The following FANCC variants were observed in gnomAD, a reference collection of about 807,000 sequenced individuals.
FANCC encodes Fanconi anemia group C protein.
Under a neutral mutation model 71.3 loss-of-function variants are expected in FANCC, and 55 were observed. The observed-to-expected ratio is 0.77, with a 90% CI of 0.62 to 0.97. The LOEUF (loss-of-function observed/expected upper bound fraction) is 0.97, where lower values mean the gene tolerates loss of function less well. Ranked by LOEUF, FANCC falls within the 50% of genes least tolerant of loss-of-function variation. The probability of loss-of-function intolerance (pLI) is 0.00; values close to 1 mark genes in which losing one functional copy is unlikely to be tolerated. For synonymous variants in FANCC, 275 were observed against 244.9 expected, an observed-to-expected ratio of 1.12 and a Z score of -1.15; for missense variants, 678 against 670.9, an observed-to-expected ratio of 1.01 and a Z score of -0.12.
chr9:95,212,128 A>T (rs1828545732), intron 4 of FANCC, among the ~76,000 whole-genome samples: 1 of 152,178 alleles, frequency 6.6e-6, no homozygotes, highest in Admixed American at 6.5e-5. Flanking sequence ...CTTTGGGAAA[A>T]TCTCACGTAG....
intron 1 of FANCC, among the ~76,000 whole-genome samples, chr9:95,309,404 A>T (rs1015267993): frequency 6.6e-6 from 1 of 152,220 alleles, no homozygotes; most frequent in Non-Finnish European, 1.5e-5. Flanking sequence ...GCAATTCGAT[A>T]TTATTTGTAT....
chr9:95,108,347 T>C (rs1465139084), intron 13 of FANCC, among the ~76,000 whole-genome samples: 1 of 152,230 alleles, frequency 6.6e-6, no homozygotes. Flanking sequence ...CTGCCGGGTC[T>C]GATGGTGTCT....
chr9:95,310,709 C>T (rs763663698), intron 1 of FANCC, among the ~76,000 whole-genome samples: 2 of 152,072 alleles, frequency 1.3e-5, no homozygotes, highest in Non-Finnish European at 2.9e-5. Flanking sequence ...ATCAGTGTTC[C>T]CCAGAGCCCA....
Position 95,270,392 on chromosome 9 carries a change from C to T in FANCC, c.-78-21023G>A, listed in dbSNP as rs4647402. Among the ~76,000 whole-genome samples, 511 of 152,222 alleles carry T rather than the reference C, an allele frequency of 3.4e-3. 9 individuals are homozygous for T. The East Asian group carries it at 0.043, about 13-fold the overall frequency. ...GCAAGCACTCCAGAGATCAGCCACC[C>T]GAGAACTGTGAGAGTGCACATTTAT... On this transcript the variant is annotated intron_variant, in intron 1 of 14. Transcript: ENST00000289081.
rs571935590 is a variant in FANCC at position 95,265,608 on chromosome 9, C to A, written c.-78-16239G>T. On this transcript the variant is annotated intron_variant, in intron 1 of 14. Transcript: ENST00000289081. ...TCACTTCACTTACCTGACAGTAAGA[C>A]TTGGGTTTTGGTTAGACCAGTTAGA... is the stretch of plus-strand genomic sequence containing the variant. Among the ~76,000 whole-genome samples, 31 of 152,270 alleles carry A rather than the reference C, an allele frequency of 2.0e-4. No homozygotes were observed. The South Asian group carries it at 6.2e-3, about 31-fold the overall frequency.
At chr9:95,147,256 G>A (rs1297736922) in intron 7 of FANCC, among the ~76,000 whole-genome samples, 7 of 152,226 alleles carry the variant, frequency 4.6e-5, no homozygotes, top group South Asian at 2.1e-4. Context: ...AGTGGCTCAC[G>A]CCTGTAATCC....
At chr9:95,184,815 T>C (rs1826605599) in intron 4 of FANCC, among the ~76,000 whole-genome samples, 2 of 152,208 alleles carry the variant, frequency 1.3e-5, no homozygotes, top group Admixed American at 1.3e-4. Flanking sequence ...AAAGGAGATA[T>C]GGTTCACAGA....
intron 1 of FANCC, among the ~76,000 whole-genome samples, chr9:95,289,285 ACTAT>A (rs1349519818): frequency 1.3e-5 from 2 of 152,226 alleles, no homozygotes; most frequent in Non-Finnish European, 1.5e-5. Context: ...AATAAATAGC[ACTAT>A]CTGTCTGTCT....
At chr9:95,249,478 C>T in intron 1 of FANCC, 109 bp from the exon 2 acceptor site, 3 of 614,586 alleles carry the variant, frequency 4.9e-6, no homozygotes, top group South Asian at 3.8e-5. Context: ...AATAGCATGG[C>T]TTCTATGCTG....
chr9:95,186,663 T>C (rs1401680938), intron 4 of FANCC: 2 of 152,106 alleles, frequency 1.3e-5, no homozygotes, highest in African/African-American at 4.8e-5. Context: ...AAAACAAACA[T>C]AAAACAAAGT....
At chr9:95,310,751 G>T (rs187370628) in intron 1 of FANCC, among the ~76,000 whole-genome samples, 8 of 152,268 alleles carry the variant, frequency 5.3e-5, no homozygotes, top group African/African-American at 1.9e-4. Flanking sequence ...AAAATCTAGG[G>T]TCTGTTATGA....
At chr9:95,112,252 A>G (rs558367031) in intron 12 of FANCC, among the ~76,000 whole-genome samples, 310 of 152,358 alleles carry the variant, frequency 2.0e-3, no homozygotes, top group African/African-American at 7.2e-3. Flanking sequence ...TGCCGGTCTC[A>G]GCAGGTGAAC....
intron 1 of FANCC, among the ~76,000 whole-genome samples, chr9:95,271,927 C>CTTTTTTTTTT (rs869093626): frequency 0.012 from 622 of 50,510 alleles, 183 homozygotes; most frequent in African/African-American, 0.027. Flanking sequence ...CAAGCCTCTT[C>CTTTTTTTTTT]TTTTTTTTTT....
At chr9:95,256,474 G>T (rs1423638908) in intron 1 of FANCC, among the ~76,000 whole-genome samples, 1 of 152,184 alleles carries the variant, frequency 6.6e-6, no homozygotes, top group Admixed American at 6.5e-5. Context: ...ATCCTTTGCA[G>T]ACAGGCAAAT....
intron 4 of FANCC, among the ~76,000 whole-genome samples, chr9:95,232,227 A>T (rs1830054269): frequency 6.6e-6 from 1 of 152,204 alleles, no homozygotes; most frequent in South Asian, 2.1e-4. Flanking sequence ...GGATGGTGCT[A>T]AACCATTTGT....
chr9:95,117,212 G>A (rs1231085594), intron 11 of FANCC, 103 bp downstream of exon 11: 3 of 1,009,060 alleles, frequency 3.0e-6, no homozygotes, highest in Non-Finnish European at 4.6e-6. Flanking sequence ...AACCAGTTCT[G>A]TCTCCCTCAT....
intron 2 of FANCC, among the ~76,000 whole-genome samples, chr9:95,248,491 T>C (rs1411999352): frequency 6.6e-6 from 1 of 152,162 alleles, no homozygotes; most frequent in Non-Finnish European, 1.5e-5. Context: ...TACTCTTTGA[T>C]TAAGGGAAGA....
rs571685940 is a variant in FANCC, at chr9:95,311,572, G to C, written c.-79+5954C>G. On this transcript the variant is annotated intron_variant, in intron 1 of 14. Coordinates refer to ENST00000289081, the MANE Select transcript of FANCC (RefSeq NM_000136.3). ...TTTTATTTATTTATTTTTTTCCCTG[G>C]AGATAGGGTCTCACAATTTTGCCCA... Among the ~76,000 whole-genome samples the C allele has an allele frequency of 2.6e-5, 4 of 152,158 alleles. No individual in the cohort carries two copies. In the South Asian group the frequency reaches 6.2e-4, roughly 24 times the overall value.
chr9:95,171,699 T>C (rs1047549774), intron 5 of FANCC, among the ~76,000 whole-genome samples: 2 of 152,196 alleles, frequency 1.3e-5, no homozygotes, highest in African/African-American at 2.4e-5. Context: ...ATCAGGTTAT[T>C]TGAAATACAA....
Sources: allele counts gnomAD v4.1 joint callset (sites outside exome capture counted in the v4.1 genomes callset), GRCh38; gene constraint gnomAD v4.1.1; transcripts MANE v1.5; gene names NCBI Gene and HGNC (gene_info 2026-07-23, HGNC 2026-07-21).